The following HNF4G variants were observed in gnomAD, a reference collection of about 807,000 sequenced individuals.
HNF4G encodes hepatocyte nuclear factor 4-gamma.
In HNF4G, 21 loss-of-function variants were observed where a neutral mutation model predicts 50.9. The observed-to-expected ratio is 0.41, with a 90% CI of 0.29 to 0.59. The LOEUF (loss-of-function observed/expected upper bound fraction) is 0.59. HNF4G is among the 20% of genes least tolerant of loss of function. The pLI, the probability that HNF4G is intolerant of heterozygous loss-of-function variation, is 0.26. For synonymous variants in HNF4G, 198 were observed against 185.6 expected (o/e 1.07, Z -0.54); for missense variants, 527 against 559.4 (o/e 0.94, Z 0.58).
chr8:75,548,892 A>T (rs575570841), intron 3 of HNF4G, among the ~76,000 whole-genome samples: 1 of 152,212 alleles, frequency 6.6e-6, no homozygotes, highest in Admixed American at 6.5e-5. Context: ...GTCGAAGACA[A>T]CAAAAAATAA....
At chr8:75,515,083 A>G (rs1174491595) in intron 2 of HNF4G, among the ~76,000 whole-genome samples, 1 of 152,170 alleles carries the variant, frequency 6.6e-6, no homozygotes. Flanking sequence ...TTCATGCTCA[A>G]CAATGTCTAT....
At chr8:75,538,628 C>T (rs1806532454), upstream of HNF4G, among the ~76,000 whole-genome samples, 1 of 152,194 alleles carries the variant, frequency 6.6e-6, no homozygotes, top group African/African-American at 2.4e-5. Flanking sequence ...TCTCTAAAAA[C>T]TGAATAACCT....
chr8:75,525,705 T>A (rs1168206386), intron 2 of HNF4G, among the ~76,000 whole-genome samples: 7 of 151,776 alleles, frequency 4.6e-5, no homozygotes, highest in African/African-American at 1.5e-4. Flanking sequence ...AAACGCACTC[T>A]AAGAAAAAAA....
At position 75,564,076 on chromosome 8, in the gene HNF4G, T is replaced by G; in HGVS notation, c.1348T>G (p.Ser450Ala). ...ATCAGTCATTTCACACCAGCATCTC[T>G]CCAAACAAAAGCAATTGTGAAAATG... ...QASVISHQHL[S>A]KQKQL Residue 450 changes from serine (S) to alanine (A), a missense_variant, in exon 10 of 10, where the codon TCC (serine) becomes GCC (alanine). Transcript: ENST00000396423. 1 of 1,613,484 alleles carries G rather than the reference T, an allele frequency of 6.2e-7. No homozygotes were observed. The highest frequency in any genetic ancestry group is 1.1e-5 in the South Asian group (1 of 91,038).
chr8:75,439,798 A>G (rs1811231511), intron 1 of HNF4G, among the ~76,000 whole-genome samples: 1 of 152,042 alleles, frequency 6.6e-6, no homozygotes, highest in South Asian at 2.1e-4. Context: ...CTTACATGTT[A>G]TAAACATAAT....
chr8:75,431,883 A>G (rs1197239220), intron 1 of HNF4G, among the ~76,000 whole-genome samples: 3 of 151,664 alleles, frequency 2.0e-5, no homozygotes, highest in South Asian at 2.1e-4. Context: ...CCAAGATCGC[A>G]CCATTGCACT....
intron 2 of HNF4G, among the ~76,000 whole-genome samples, chr8:75,492,570 A>G (rs542593746): frequency 1.3e-5 from 2 of 152,332 alleles, no homozygotes; most frequent in South Asian, 2.1e-4. Flanking sequence ...TTTGTAGATT[A>G]CATAACACTT....
chr8:75,553,211 AC>A lies in HNF4G; in HGVS notation c.645+15del. ...TTGGATGATCAGGTACACATTTAAA[AC>A]TTTATAAATGCTTTAAAAATGCTTC... On this transcript the variant is annotated intron_variant, in intron 5 of 9. Transcript: ENST00000396423. The A allele has an allele frequency of 6.3e-7, 1 of 1,598,268 alleles. No homozygotes were observed. The highest frequency in any genetic ancestry group is 2.2e-5 in the East Asian group (1 of 44,632).
rs141638664 is a variant in HNF4G, at chr8:75,554,866, G to C, written c.646-1116G>C. On this transcript the variant is annotated intron_variant, in intron 5 of 9. Coordinates refer to ENST00000396423, the MANE Select transcript of HNF4G (RefSeq NM_004133.5). ...AAGAGATACTTTAAACTGAGGACCA[G>C]AGAAGTTATTGCCTGAGACCCTGAA... Among the ~76,000 whole-genome samples, 634 of 152,312 alleles carry C rather than the reference G, an allele frequency of 4.2e-3. 7 individuals are homozygous for C. Among genetic ancestry groups the C allele is most frequent in the South Asian group, 0.027 (129 of 4,826 alleles).
In HNF4G at chr8:75,547,643, G is replaced by A; in HGVS notation, c.344G>A (p.Arg115Gln). ...KDKRNQCRYCRLRKCFRAGMK... is the reference protein window; with the variant it reads ...KDKRNQCRYCQLRKCFRAGMK... ...AAAAGGAATCAATGTAGATATTGTC[G>A]ATTAAGAAAGTGTTTTAGAGCGGGA... is the stretch of plus-strand genomic sequence containing the variant. The change falls in exon 3 of 10, where the codon CGA (arginine) becomes CAA (glutamine). Residue 115 changes from arginine to glutamine, a missense_variant. This residue lies in a region of HNF4G where 128 missense variants were observed against 135.3 expected (regional missense o/e 0.95). Transcript: ENST00000396423. The A allele has an allele frequency of 1.2e-6, 2 of 1,610,798 alleles. No individual in the cohort carries two copies. Among genetic ancestry groups the A allele is most frequent in the Non-Finnish European group, 1.7e-6 (2 of 1,177,188 alleles).
chr8:75,444,218 A>G (rs933768492), intron 1 of HNF4G, among the ~76,000 whole-genome samples: 6 of 151,756 alleles, frequency 4.0e-5, no homozygotes, highest in Non-Finnish European at 7.4e-5. Flanking sequence ...CTTTACAGAC[A>G]AGCAAATGCT....
chr8:75,471,213 A>G (rs1057184221), intron 1 of HNF4G, among the ~76,000 whole-genome samples: 1 of 152,220 alleles, frequency 6.6e-6, no homozygotes. Flanking sequence ...GATGAAATCC[A>G]AGAAAAATTG....
intron 2 of HNF4G, among the ~76,000 whole-genome samples, chr8:75,526,200 C>A (rs551883104): frequency 9.9e-5 from 15 of 151,870 alleles, no homozygotes; most frequent in Non-Finnish European, 1.6e-4. Flanking sequence ...ATGATCATGG[C>A]TCACTGAAAC....
chr8:75,534,413 C>T (rs1806408027), intron 2 of HNF4G, among the ~76,000 whole-genome samples: 1 of 151,888 alleles, frequency 6.6e-6, no homozygotes, highest in Middle Eastern at 3.4e-3. Flanking sequence ...CTTATATCAC[C>T]TCTAAGCTTT....
At chr8:75,463,648 T>C (rs77362091) in intron 1 of HNF4G, among the ~76,000 whole-genome samples, 5,766 of 152,268 alleles carry the variant, frequency 0.038, 131 homozygotes, top group South Asian at 0.054. Flanking sequence ...AAGGTATTAA[T>C]TCTCCTACTC....
intron 2 of HNF4G, among the ~76,000 whole-genome samples, chr8:75,496,696 A>C (rs1284650066): frequency 6.6e-6 from 1 of 152,220 alleles, no homozygotes; most frequent in African/African-American, 2.4e-5. Flanking sequence ...TTTGGTTTTT[A>C]TTCCATGAAA....
chr8:75,426,699 G>T (rs1230462373), intron 1 of HNF4G, among the ~76,000 whole-genome samples: 3 of 151,006 alleles, frequency 2.0e-5, no homozygotes, highest in Non-Finnish European at 3.0e-5. Flanking sequence ...AAAAGAGAAG[G>T]TGGGAAGAGG....
intron 2 of HNF4G, among the ~76,000 whole-genome samples, chr8:75,516,307 G>C (rs1805887919): frequency 1.3e-5 from 2 of 151,728 alleles, no homozygotes; most frequent in Middle Eastern, 3.2e-3. Flanking sequence ...TTTTAAATAA[G>C]TCTTCCTCTT....
intron 1 of HNF4G, among the ~76,000 whole-genome samples, chr8:75,480,089 T>C (rs1204591864): frequency 1.3e-5 from 2 of 152,210 alleles, no homozygotes; most frequent in African/African-American, 4.8e-5. Context: ...AATTGCCTAT[T>C]AGATAATTTG....
Sources: gnomAD v4.1 joint callset for allele counts (sites outside exome capture counted in the v4.1 genomes callset) on GRCh38, gnomAD v4.1.1 for gene constraint, gnomAD v4.1.1 regional missense constraint, MANE v1.5 for transcripts, NCBI Gene and HGNC (gene_info 2026-07-23, HGNC 2026-07-21) for gene names.